The following DOK6 variants were observed in gnomAD, a reference collection of about 807,000 sequenced individuals.
The protein encoded by DOK6 is docking protein 6.
Under a neutral mutation model 44.0 loss-of-function variants are expected in DOK6, and 22 were observed. The observed-to-expected ratio is 0.50, with a 90% CI of 0.36 to 0.71. The LOEUF (loss-of-function observed/expected upper bound fraction) is 0.71, where lower values mean the gene tolerates loss of function less well. DOK6 is among the 30% of genes least tolerant of loss of function. The pLI is 0.00. For synonymous variants in DOK6, 166 were observed against 145.5 expected (o/e 1.14, Z -1.01); for missense variants, 340 against 416.4 (o/e 0.82, Z 1.60).
chr18:69,576,041 A>G (rs1189989863), intron 2 of DOK6, among the ~76,000 whole-genome samples: 4 of 152,154 alleles, frequency 2.6e-5, no homozygotes, highest in African/African-American at 9.6e-5. Flanking sequence ...GGCTTGCTCC[A>G]TTTCTAGAAT....
intron 1 of DOK6, among the ~76,000 whole-genome samples, chr18:69,414,714 G>T (rs1358992214): frequency 6.6e-6 from 1 of 152,010 alleles, no homozygotes; most frequent in African/African-American, 2.4e-5. Flanking sequence ...AATTTTACAA[G>T]AAGTTACTAT....
intron 6 of DOK6, among the ~76,000 whole-genome samples, chr18:69,746,897 T>C (rs370366637): frequency 6.6e-6 from 1 of 152,180 alleles, no homozygotes. Flanking sequence ...ATTTACCCAA[T>C]TGGTGTAATT....
intron 1 of DOK6, among the ~76,000 whole-genome samples, chr18:69,520,347 A>G (rs570704665): frequency 2.0e-5 from 3 of 151,828 alleles, no homozygotes; most frequent in South Asian, 2.1e-4. Flanking sequence ...ATTAAATCCT[A>G]TTATCCTCTT....
intron 7 of DOK6, among the ~76,000 whole-genome samples, chr18:69,821,026 A>G (rs778328103): frequency 6.6e-6 from 1 of 152,184 alleles, no homozygotes; most frequent in Non-Finnish European, 1.5e-5. Context: ...ACAAACCTGC[A>G]CATGAACCCC....
chr18:69,556,687 A>G (rs1188057292), intron 1 of DOK6, among the ~76,000 whole-genome samples: 2 of 152,236 alleles, frequency 1.3e-5, no homozygotes, highest in Non-Finnish European at 2.9e-5. Context: ...GAATAAATGA[A>G]TGAATGAATA....
intron 1 of DOK6, among the ~76,000 whole-genome samples, chr18:69,553,371 C>A (rs932432373): frequency 6.6e-6 from 1 of 152,148 alleles, no homozygotes; most frequent in African/African-American, 2.4e-5. Flanking sequence ...TCCATGCATT[C>A]ATTGTTGAAG....
chr18:69,770,150 T>C (rs1568121300), intron 7 of DOK6, among the ~76,000 whole-genome samples: 1 of 152,110 alleles, frequency 6.6e-6, no homozygotes. Context: ...TTGGCTGATA[T>C]TTACTCAGCA....
chr18:69,604,818 G>A (rs1212894062), intron 3 of DOK6, among the ~76,000 whole-genome samples: 1 of 152,032 alleles, frequency 6.6e-6, no homozygotes, highest in Non-Finnish European at 1.5e-5. Flanking sequence ...ATATTGTATA[G>A]ATTATTAAAT....
intron 7 of DOK6, among the ~76,000 whole-genome samples, chr18:69,774,663 C>T (rs931239615): frequency 3.3e-5 from 5 of 151,828 alleles, no homozygotes; most frequent in Non-Finnish European, 7.4e-5. Flanking sequence ...GGAAATCATT[C>T]AGCGTGCAAC....
chr18:69,474,588 C>G (rs968309420), intron 1 of DOK6, among the ~76,000 whole-genome samples: 1 of 152,146 alleles, frequency 6.6e-6, no homozygotes, highest in South Asian at 2.1e-4. Flanking sequence ...AAGGCCCATT[C>G]ATTGAAAAAT....
chr18:69,814,392 T>G (rs1283697750), intron 7 of DOK6, among the ~76,000 whole-genome samples: 4 of 151,884 alleles, frequency 2.6e-5, no homozygotes, highest in African/African-American at 9.7e-5. Flanking sequence ...CCCCTTCAGG[T>G]GGATAGATGG....
intron 7 of DOK6, among the ~76,000 whole-genome samples, chr18:69,826,291 A>G (rs1302486856): frequency 5.3e-5 from 8 of 152,208 alleles, no homozygotes; most frequent in Non-Finnish European, 8.8e-5. Context: ...AGCCTTTTCC[A>G]TATCCTGCAG....
At chr18:69,692,302 A>G (rs1440447031) in intron 4 of DOK6, among the ~76,000 whole-genome samples, 1 of 152,244 alleles carries the variant, frequency 6.6e-6, no homozygotes, top group Non-Finnish European at 1.5e-5. Context: ...CTTATGGGCA[A>G]TAGTGAATTA....
At chr18:69,486,393 C>T (rs1360125573) in intron 1 of DOK6, among the ~76,000 whole-genome samples, 1 of 152,088 alleles carries the variant, frequency 6.6e-6, no homozygotes, top group South Asian at 2.1e-4. Flanking sequence ...GATAATGGGA[C>T]AATTAAGACA....
chr18:69,730,876 G>C (rs1032898167), intron 5 of DOK6, among the ~76,000 whole-genome samples: 1 of 152,102 alleles, frequency 6.6e-6, no homozygotes, highest in Non-Finnish European at 1.5e-5. Context: ...GGAGGTGAGA[G>C]AATCTCCTGA....
intron 3 of DOK6, among the ~76,000 whole-genome samples, chr18:69,644,274 A>G (rs1985016069): frequency 6.6e-6 from 1 of 152,128 alleles, no homozygotes; most frequent in Non-Finnish European, 1.5e-5. Context: ...TATGAGGTCC[A>G]GTTTATTAGT....
intron 5 of DOK6, among the ~76,000 whole-genome samples, chr18:69,727,449 C>A (rs150700537): frequency 2.2e-4 from 34 of 152,298 alleles, no homozygotes; most frequent in African/African-American, 7.7e-4. Flanking sequence ...AAAAGAGCCT[C>A]TTTAGTGATA....
intron 1 of DOK6, among the ~76,000 whole-genome samples, chr18:69,478,864 A>G (rs1231048169): frequency 6.6e-6 from 1 of 152,174 alleles, no homozygotes; most frequent in East Asian, 1.9e-4. Context: ...CCAGGATCCA[A>G]TTTATGATAC....
chr18:69,459,050 C>T (rs991837572), intron 1 of DOK6, among the ~76,000 whole-genome samples: 1 of 150,938 alleles, frequency 6.6e-6, no homozygotes, highest in Non-Finnish European at 1.5e-5. Flanking sequence ...GAGCTGACAT[C>T]ACGCCACTGC....
Sources: gnomAD v4.1 joint callset for allele counts (sites outside exome capture counted in the v4.1 genomes callset) on GRCh38, gnomAD v4.1.1 for gene constraint, MANE v1.5 for transcripts, NCBI Gene and HGNC (gene_info 2026-07-23, HGNC 2026-07-21) for gene names.